Variants in CYBB observed in about 807,000 individuals in gnomAD.
CYBB encodes the protein cytochrome b-245 beta chain.
A neutral mutation model predicts 46.5 loss-of-function variants in CYBB; 5 were observed. The ratio of observed to expected loss-of-function variants is 0.11; its 90% CI spans 0.06 to 0.23. The LOEUF (loss-of-function observed/expected upper bound fraction) is 0.23, where lower values mean the gene tolerates loss of function less well. Ranked by LOEUF, CYBB falls within the 10% of genes least tolerant of loss-of-function variation. CYBB has a pLI of 1.00. For missense variants in CYBB, 307 were observed against 428.3 expected (o/e 0.72, Z 2.50); for synonymous variants, 183 against 156.7 (o/e 1.17, Z -1.26).
intron 9 of CYBB, 54 bp downstream of exon 9, chrX:37,804,184 A>G: frequency 1.8e-6 from 2 of 1,114,555 alleles, no homozygotes; most frequent in South Asian, 1.8e-5. Context: ...AAATGGCACT[A>G]AATAGCTCCT....
chrX:37,800,101 T>C (rs192323846), intron 7 of CYBB, among the ~76,000 whole-genome samples: 1 of 110,973 alleles, frequency 9.0e-6, no homozygotes, highest in African/African-American at 3.3e-5. Flanking sequence ...ATAGAAAGGA[T>C]AAAAAGGGAA....
At chrX:37,793,514 T>C (rs1040154684) in intron 4 of CYBB, 151 bp from the exon 5 acceptor site, 2 of 560,660 alleles carry the variant, frequency 3.6e-6, no homozygotes, top group Non-Finnish European at 3.0e-6. Context: ...TCCTTGGTTC[T>C]GGAGACCCAG....
At position 37,791,934 on chromosome X, in the gene CYBB, G is replaced by T. The variant is rs568038040; in HGVS notation, c.253-41G>T. ...TGTTTGACACATAGCAAGCTTTCCT[G>T]TTAACAATTACTATTCCATTCTTTC... On this transcript the variant is annotated intron_variant, in intron 3 of 12. Coordinates refer to ENST00000378588, the MANE Select transcript of CYBB (RefSeq NM_000397.4). 4 of 1,044,821 alleles carry T rather than the reference G, an allele frequency of 3.8e-6. No individual in the cohort carries two copies. The South Asian group carries it at 7.5e-5, about 20-fold the overall frequency. The allele number at this position is 1,044,821 out of a possible 1,213,427, so 86.1% of individuals were successfully genotyped here.
intron 11 of CYBB, among the ~76,000 whole-genome samples, chrX:37,808,146 C>T (rs1403979322): frequency 3.6e-5 from 4 of 111,921 alleles, no homozygotes; most frequent in Non-Finnish European, 7.5e-5. Flanking sequence ...ACACCCAAGA[C>T]TGGGTAGTTT....
At chrX:37,792,507 T>C (rs782337694) in intron 4 of CYBB, among the ~76,000 whole-genome samples, 23 of 111,105 alleles carry the variant, frequency 2.1e-4, no homozygotes, top group Non-Finnish European at 4.0e-4. Flanking sequence ...AATACCTTCA[T>C]TATTATTATT....
chrX:37,790,046 T>C (rs1283344080), intron 3 of CYBB, among the ~76,000 whole-genome samples: 1 of 111,917 alleles, frequency 8.9e-6, no homozygotes, highest in Admixed American at 9.5e-5. Context: ...CAGCCAATCA[T>C]GGATGGCAGT....
Position 37,803,752 on chromosome X carries a change from C to T in CYBB, c.898-125C>T, listed in dbSNP as rs897383749. The T allele has an allele frequency of 1.2e-5, 8 of 655,269 alleles. No homozygotes were observed. The African/African-American group carries it at 1.8e-4, about 14-fold the overall frequency. 54.0% of individuals were successfully genotyped at this position (655,269 alleles called of 1,213,427 possible). A position where few individuals can be genotyped will look rare whatever the true frequency, so the allele number is the denominator to read the frequency against. Reference sequence around the variant, plus strand: ...GACAGACACATCTGCTGGAGGAACTCCTGTGTTGTCCCTAAAGCAGAGATC... The same window carrying T: ...GACAGACACATCTGCTGGAGGAACTTCTGTGTTGTCCCTAAAGCAGAGATC... On this transcript the variant is annotated intron_variant, in intron 8 of 12. Coordinates refer to ENST00000378588, the MANE Select transcript of CYBB (RefSeq NM_000397.4).
rs1929207211 is a variant in CYBB, at chrX:37,791,963, C to T, written c.253-12C>T. The T allele has an allele frequency of 5.1e-6, 6 of 1,184,246 alleles. No individual in the cohort carries two copies. The highest frequency in any genetic ancestry group is 6.9e-6 in the Non-Finnish European group (6 of 870,699). The stretch of plus-strand genomic sequence containing the variant: ...ACAATTACTATTCCATTCTTTCCCC[C>T]TTAATCCAAAGTGCTGCTCAACAAG... On this transcript the variant is annotated splice_polypyrimidine_tract_variant and intron_variant, in intron 3 of 12. Coordinates refer to ENST00000378588, the MANE Select transcript of CYBB (RefSeq NM_000397.4).
At chrX:37,797,246 A>T (rs1181681053) in intron 6 of CYBB, among the ~76,000 whole-genome samples, 1 of 112,055 alleles carries the variant, frequency 8.9e-6, no homozygotes, top group Non-Finnish European at 1.9e-5. Flanking sequence ...ATGGAGACCA[A>T]GAATCTGATG....
At chrX:37,802,642 T>C (rs1421553502) in intron 8 of CYBB, among the ~76,000 whole-genome samples, 1 of 112,140 alleles carries the variant, frequency 8.9e-6, no homozygotes, top group Admixed American at 9.4e-5. Context: ...CAACTCCTTA[T>C]TTCAGAACAG....
chrX:37,809,601 A>C lies in CYBB; in HGVS notation c.1496A>C (p.Lys499Thr), dbSNP rs201356986. The C allele has an allele frequency of 6.1e-5, 73 of 1,201,698 alleles. No homozygotes were observed. The highest frequency in any genetic ancestry group is 7.9e-5 in the Non-Finnish European group (70 of 890,542). The change falls in exon 12 of 13, where the codon AAA (lysine) becomes ACA (threonine). Residue 499 changes from lysine to threonine, a missense_variant. Physicochemically the swap from Lys to Thr is moderately conservative, Grantham distance 78. Transcript: ENST00000378588. ...TTTGCTGTGCACCATGATGAGGAGA[A>C]AGATGTGATCACAGGCCTGAAACAA... ...NHFAVHHDEE[K>T]DVITGLKQKT... is the part of the protein sequence containing the mutation.
At chrX:37,804,247 T>C in intron 9 of CYBB, 117 bp downstream of exon 9, 1 of 729,427 alleles carries the variant, frequency 1.4e-6, no homozygotes, top group South Asian at 2.4e-5. Flanking sequence ...TCTAAGAATA[T>C]AGGTAGCTAT....
chrX:37,788,363 C>T (rs1199613690), intron 3 of CYBB, among the ~76,000 whole-genome samples: 1 of 111,606 alleles, frequency 9.0e-6, no homozygotes, highest in Non-Finnish European at 1.9e-5. Context: ...GTAAATTCAT[C>T]TCTATAGGTT....
intron 7 of CYBB, 47 bp from the exon 8 acceptor site, chrX:37,801,209 C>A: frequency 1.1e-6 from 1 of 905,107 alleles, no homozygotes; most frequent in Non-Finnish European, 1.6e-6. Context: ...ATTTTGTTAT[C>A]TATTACCACT....
chrX:37,806,350 C>T (rs1342903197), intron 10 of CYBB, 37 bp from the exon 11 acceptor site: 27 of 1,204,705 alleles, frequency 2.2e-5, no homozygotes, highest in Non-Finnish European at 3.0e-5. Flanking sequence ...TAGGGCCTGC[C>T]AAATATAATC....
Position 37,806,392 on chromosome X carries a change from C to T in CYBB, c.1320C>T (p.Tyr440=), listed in dbSNP as rs200129367. 2.5e-6 allele frequency: 3 copies of T among 1,209,350 alleles called. No homozygotes were observed. Among genetic ancestry groups the T allele is most frequent in the Non-Finnish European group, 2.2e-6 (2 of 894,632 alleles). The change falls in exon 11 of 13, where the codon TAC becomes TAT. Residue 440 remains tyrosine (Y), a synonymous_variant. Transcript: ENST00000378588. ...ATGATCCACCCCATTTTCAGATCTACTTCTACTGGCTGTGCCGGGACACAC... is the reference window on the plus strand; with the variant it reads ...ATGATCCACCCCATTTTCAGATCTATTTCTACTGGCTGTGCCGGGACACAC... ...NATNLKLKKI[Y]FYWLCRDTHA...
chrX:37,804,846 G>A (rs1929521727), intron 9 of CYBB, among the ~76,000 whole-genome samples, 160 bp from the exon 10 acceptor site: 1 of 112,004 alleles, frequency 8.9e-6, no homozygotes, highest in African/African-American at 3.2e-5. Flanking sequence ...TTGGCACTAA[G>A]TTTGGTTACT....
intron 12 of CYBB, 62 bp downstream of exon 12, chrX:37,809,753 T>C (rs782168946): frequency 4.2e-5 from 47 of 1,127,606 alleles, no homozygotes; most frequent in Non-Finnish European, 5.7e-5. Flanking sequence ...GCAGCCCCTA[T>C]ACATATCTAA....
At chrX:37,796,563 CCA>C (rs1929312737) in intron 6 of CYBB, among the ~76,000 whole-genome samples, 1 of 111,127 alleles carries the variant, frequency 9.0e-6, no homozygotes, top group Non-Finnish European at 1.9e-5. Context: ...TGATTTAAGC[CCA>C]CAGTCATTTA....
Sources: gnomAD v4.1 joint callset for allele counts (sites outside exome capture counted in the v4.1 genomes callset) on GRCh38, gnomAD v4.1.1 for gene constraint, MANE v1.5 for transcripts, NCBI Gene and HGNC (gene_info 2026-07-23, HGNC 2026-07-21) for gene names.